The following KRT85 variants were observed in gnomAD, a reference collection of about 807,000 sequenced individuals.
KRT85 encodes keratin 85.
Under a neutral mutation model 53.7 loss-of-function variants are expected in KRT85, and 39 were observed. The ratio of observed to expected loss-of-function variants is 0.73; its 90% confidence interval spans 0.56 to 0.95. The LOEUF is 0.95. Among genes scored for constraint, KRT85 ranks in the 40% least tolerant of loss-of-function variants. KRT85 has a pLI of 0.00. For synonymous variants in KRT85, 291 were observed against 277.5 expected (o/e 1.05, Z -0.48); for missense variants, 668 against 686.0 (o/e 0.97, Z 0.29).
intron 1 of KRT85, among the ~76,000 whole-genome samples, chr12:52,365,640 C>A (rs1418557737): frequency 6.6e-6 from 1 of 152,140 alleles, no homozygotes; most frequent in Non-Finnish European, 1.5e-5. Context: ...AGTGCCAAGG[C>A]CTGTGGTAAG....
intron 4 of KRT85, among the ~76,000 whole-genome samples, chr12:52,363,651 A>T (rs1939228629): frequency 6.6e-6 from 1 of 152,216 alleles, no homozygotes; most frequent in South Asian, 2.1e-4. Context: ...CCAGAGGGTG[A>T]AAAAGATCTG....
Position 52,363,329 on chromosome 12 carries a change from A to G in KRT85, c.868T>C (p.Cys290Arg), listed in dbSNP as rs2121402111. 1.9e-6 allele frequency: 3 copies of G among 1,614,164 alleles called. No individual in the cohort carries two copies. Among genetic ancestry groups the G allele is most frequent in the Non-Finnish European group, 2.5e-6 (3 of 1,180,024 alleles). Reference sequence around the variant, plus strand: ...TGAGCCTTGATCTCAGCGATGATGCAGTCCATGTTCAGGTCTCGGCTGTTG... The same window carrying G: ...TGAGCCTTGATCTCAGCGATGATGCGGTCCATGTTCAGGTCTCGGCTGTTG... ...MDNSRDLNMD[C>R]IIAEIKAQYD... The change falls in exon 5 of 9, where the codon TGC becomes CGC. Residue 290 changes from cysteine (C) to arginine (R), a missense_variant. Around this residue, in one of 3 missense-constraint regions of KRT85, gnomAD observed 488 missense variants for 498.1 expected, o/e 0.98. Transcript: ENST00000257901.
rs1206757106 is a variant in KRT85 at position 52,362,858 on chromosome 12, C to A, written c.1073G>T (p.Cys358Phe). 6.2e-7 allele frequency: 1 copy of A among 1,614,208 alleles called. No homozygotes were observed. Among genetic ancestry groups the A allele is most frequent in the Admixed American group, 1.7e-5 (1 of 60,028 alleles). Residue 358 changes from cysteine to phenylalanine, a missense_variant, in exon 6 of 9, where the codon TGC becomes TTC. Physicochemically the swap from Cys to Phe is radical, Grantham distance 205 (BLOSUM62 -2). Around this residue, in one of 3 missense-constraint regions of KRT85, gnomAD observed 488 missense variants for 498.1 expected, o/e 0.98. Coordinates refer to ENST00000257901, the MANE Select transcript of KRT85 (RefSeq NM_002283.4). ...RLTAEIENAK[C>F]QRAKLEAAVA... ...TGAATCCTCCACAGACCCCACCTGG[C>A]ACTTGGCATTCTCAATCTCGGCCGT...
At chr12:52,363,472 C>T (rs1462818254) in intron 4 of KRT85, 62 bp from the exon 5 acceptor site, 2 of 1,589,670 alleles carry the variant, frequency 1.3e-6, no homozygotes, top group African/African-American at 2.7e-5. Flanking sequence ...GTGATCCACC[C>T]CAGGGGACAA....
At chr12:52,362,723 C>T (rs1939211171) in intron 6 of KRT85, 131 bp downstream of exon 6, 4 of 1,443,852 alleles carry the variant, frequency 2.8e-6, no homozygotes, top group Non-Finnish European at 3.9e-6. Context: ...GGTCTGATTG[C>T]TGTGAAATAT....
intron 1 of KRT85, 30 bp downstream of exon 1, chr12:52,366,956 C>T: frequency 6.2e-7 from 1 of 1,613,996 alleles, no homozygotes; most frequent in East Asian, 2.2e-5. Context: ...GGGCTGGAGG[C>T]TTCTCTGGGC....
chr12:52,362,934 G>A lies in KRT85; in HGVS notation c.997C>T (p.Arg333Cys), dbSNP rs771064006. Residue 333 changes from arginine to cysteine, a missense_variant, in exon 6 of 9, where the codon CGC becomes TGC. By Grantham distance (180) the Arg-to-Cys change is radical. Coordinates refer to ENST00000257901, the MANE Select transcript of KRT85 (RefSeq NM_002283.4). ...ATVIRHGETL[R>C]RTKEEINELN... Reference sequence around the variant, plus strand: ...TCGTTGATCTCCTCCTTGGTGCGGCGCAGGGTCTCCCCATGCCTGATCACC... The same window carrying A: ...TCGTTGATCTCCTCCTTGGTGCGGCACAGGGTCTCCCCATGCCTGATCACC... 6.2e-6 allele frequency: 10 copies of A among 1,614,088 alleles called. No homozygotes were observed. The highest frequency in any genetic ancestry group is 1.6e-4 in the Middle Eastern group (1 of 6,062).
In KRT85 at chr12:52,365,103, C is replaced by A. The variant is rs370029940; in HGVS notation, c.488G>T (p.Cys163Phe). Residue 163 changes from cysteine to phenylalanine, a missense_variant, in exon 2 of 9, where the codon TGC (cysteine) becomes TTC (phenylalanine). Coordinates refer to ENST00000257901, the MANE Select transcript of KRT85 (RefSeq NM_002283.4). Reference sequence around the variant, plus strand: ...CAGTGGCTCCAGGTTGCTCTCGCAGCAGCGCTGGTTCTGGTAGAACTGCCA... The same window carrying A: ...CAGTGGCTCCAGGTTGCTCTCGCAGAAGCGCTGGTTCTGGTAGAACTGCCA... ...TKWQFYQNQR[C>F]CESNLEPLFS... The A allele has an allele frequency of 6.2e-6, 10 of 1,614,090 alleles. No homozygotes were observed. The South Asian group carries it at 9.9e-5, about 16-fold the overall frequency.
At chr12:52,362,576 G>A in intron 6 of KRT85, 105 bp from the exon 7 acceptor site, 5 of 1,445,976 alleles carry the variant, frequency 3.5e-6, no homozygotes, top group Non-Finnish European at 4.8e-6. Flanking sequence ...TGGAGAGAAG[G>A]TTGGCCCGTG....
Position 52,362,945 on chromosome 12 carries a change from C to G in KRT85, c.986G>C (p.Gly329Ala), listed in dbSNP as rs770349646. The G allele has an allele frequency of 6.2e-7, 1 of 1,614,128 alleles. No individual in the cohort carries two copies. The highest frequency in any genetic ancestry group is 8.5e-7 in the Non-Finnish European group (1 of 1,180,022). Residue 329 changes from glycine (G) to alanine (A), a missense_variant, in exon 6 of 9, where the codon GGG (glycine) becomes GCG (alanine). Gly to Ala is a moderately conservative substitution (Grantham distance 60). Coordinates refer to ENST00000257901, the MANE Select transcript of KRT85 (RefSeq NM_002283.4). ...CTCCTTGGTGCGGCGCAGGGTCTCC[C>G]CATGCCTGATCACCGTGGCCTTCAT... Reference protein sequence around the residue: ...EEMKATVIRHGETLRRTKEEI... With the variant: ...EEMKATVIRHAETLRRTKEEI...
At position 52,362,899 on chromosome 12, in the gene KRT85, G is replaced by A; in HGVS notation, c.1032C>T (p.Arg344=). ...TCTCGGCCGTCAGCCTCTGGATCAT[G>A]CGGTTCAGCTCGTTGATCTCCTCCT... ...RTKEEINELN[R]MIQRLTAEIE... is the part of the protein sequence containing the mutation. Residue 344 remains arginine, a synonymous_variant, in exon 6 of 9, where the codon CGC becomes CGT. Coordinates refer to ENST00000257901, the MANE Select transcript of KRT85 (RefSeq NM_002283.4). The A allele has an allele frequency of 6.2e-7, 1 of 1,614,162 alleles. No individual in the cohort carries two copies. The highest frequency in any genetic ancestry group is 8.5e-7 in the Non-Finnish European group (1 of 1,180,040).
chr12:52,364,939 T>C (rs1439070968), intron 2 of KRT85, 23 bp downstream of exon 2: 3 of 1,612,052 alleles, frequency 1.9e-6, no homozygotes, highest in Admixed American at 1.7e-5. Context: ...TTCCCCTGAG[T>C]CCCCCCAGCT....
chr12:52,360,699 G>A lies in KRT85; in HGVS notation c.*154C>T, dbSNP rs982986156. On this transcript the variant is annotated 3_prime_UTR_variant, in exon 9 of 9. Transcript: ENST00000257901. ...CCCTAGCATGAAAAGGCGCAGGGGAGCGGCCCGAGGGTCTTTCCCTCTGTA... is the reference window on the plus strand; with the variant it reads ...CCCTAGCATGAAAAGGCGCAGGGGAACGGCCCGAGGGTCTTTCCCTCTGTA... 3.5e-5 allele frequency: 29 copies of A among 820,036 alleles called. No individual in the cohort carries two copies. In the East Asian group the frequency reaches 7.2e-4, roughly 20 times the overall value. 50.8% of individuals were successfully genotyped at this position (820,036 alleles called of 1,614,324 possible). A position where few individuals can be genotyped will look rare whatever the true frequency, so the allele number is the denominator to read the frequency against.
At position 52,365,150 on chromosome 12, in the gene KRT85, C is replaced by T; in HGVS notation, c.441G>A (p.Gln147=). Residue 147 remains glutamine (Q), a synonymous_variant, in exon 2 of 9, where the codon CAG becomes CAA. Coordinates refer to ENST00000257901, the MANE Select transcript of KRT85 (RefSeq NM_002283.4). ...GCCACTTGGTCTCCAGCAGCTTGTTCTGCTGCTCCAGGAAGCGCACCTGCC... is the reference window on the plus strand; with the variant it reads ...GCCACTTGGTCTCCAGCAGCTTGTTTTGCTGCTCCAGGAAGCGCACCTGCC... The part of the protein sequence containing the change: ...FIDKVRFLEQ[Q]NKLLETKWQF... 1 of 1,614,260 alleles carries T rather than the reference C, an allele frequency of 6.2e-7. No individual in the cohort carries two copies. Among genetic ancestry groups the T allele is most frequent in the Non-Finnish European group, 8.5e-7 (1 of 1,180,050 alleles).
In KRT85 at chr12:52,367,201, C is replaced by G. The variant is rs555752923; in HGVS notation, c.205G>C (p.Gly69Arg). Residue 69 changes from glycine to arginine, a missense_variant, in exon 1 of 9, where the codon GGT (glycine) becomes CGT (arginine). By Grantham distance (125) the Gly-to-Arg change is moderately radical. Coordinates refer to ENST00000257901, the MANE Select transcript of KRT85 (RefSeq NM_002283.4). ...CCGCAGGAGCCGGCTCGGAAGCCACCTACAGCTATCCGGGGCCCGCAGGAG... is the reference window on the plus strand; with the variant it reads ...CCGCAGGAGCCGGCTCGGAAGCCACGTACAGCTATCCGGGGCCCGCAGGAG... ...LGSCGPRIAV[G>R]GFRAGSCGRS... 6.2e-7 allele frequency: 1 copy of G among 1,613,880 alleles called. No individual in the cohort carries two copies. The highest frequency in any genetic ancestry group is 2.2e-5 in the East Asian group (1 of 44,884).
In KRT85 at chr12:52,361,496, A is replaced by C; in HGVS notation, c.1301T>G (p.Leu434Arg). ...ATTCACAGAGCCCACACCTTCACAC[A>C]GCCTATGGAGAAAGAAAACTCTGTT... The part of the protein sequence containing the change: ...RRLLEGEEHR[L>R]CEGVGSVNVC... Residue 434 changes from leucine to arginine, a missense_variant and splice_region_variant, in exon 8 of 9, where the codon CTG becomes CGG. Coordinates refer to ENST00000257901, the MANE Select transcript of KRT85 (RefSeq NM_002283.4). 6.2e-7 allele frequency: 1 copy of C among 1,613,918 alleles called. No individual in the cohort carries two copies.
chr12:52,364,029 C>T, intron 4 of KRT85, 39 bp downstream of exon 4: 2 of 1,520,670 alleles, frequency 1.3e-6, no homozygotes, highest in South Asian at 1.1e-5. Flanking sequence ...CCAAAACACC[C>T]CTCCACCTGC....
In KRT85 at chr12:52,365,011, C is replaced by T. The variant is rs763768342; in HGVS notation, c.580G>A (p.Ala194Thr). 2 of 1,613,126 alleles carry T rather than the reference C, an allele frequency of 1.2e-6. No individual in the cohort carries two copies. Among genetic ancestry groups the T allele is most frequent in the South Asian group, 2.2e-5 (2 of 91,036 alleles). The change falls in exon 2 of 9, where the codon GCC becomes ACC. Residue 194 changes from alanine to threonine, a missense_variant. Ala to Thr is a moderately conservative substitution (Grantham distance 58). Around this residue, in one of 3 missense-constraint regions of KRT85, gnomAD observed 488 missense variants for 498.1 expected, o/e 0.98. Transcript: ENST00000257901. ...TCCTGCACATGGTTGAGCTCTGAGG[C>T]CAGCCTCCCGCTGTCGGCCTCCACG... Reference protein sequence around the residue: ...ECVEADSGRLASELNHVQEVL... With the variant: ...ECVEADSGRLTSELNHVQEVL...
At chr12:52,361,110 G>C (rs1421753698) in intron 8 of KRT85, 64 bp from the exon 9 acceptor site, 2 of 1,419,282 alleles carry the variant, frequency 1.4e-6, no homozygotes, top group African/African-American at 1.4e-5. Flanking sequence ...CCTACAACAG[G>C]CCCCAGGGCA....
Sources: allele counts gnomAD v4.1 joint callset (sites outside exome capture counted in the v4.1 genomes callset), GRCh38; gene constraint gnomAD v4.1.1; regional missense constraint gnomAD v4.1.1; transcripts MANE v1.5; gene names NCBI Gene and HGNC (gene_info 2026-07-23, HGNC 2026-07-21).